The following RGS6 variants were observed in gnomAD, a reference collection of about 807,000 sequenced individuals.
The protein encoded by RGS6 is regulator of G protein signaling 6.
Under a neutral mutation model 78.5 loss-of-function variants are expected in RGS6, and 30 were observed. The observed-to-expected ratio is 0.38, with a 90% CI of 0.29 to 0.52. The LOEUF is 0.52. RGS6 is among the 20% of genes least tolerant of loss of function. RGS6 has a pLI of 0.85. For missense variants in RGS6, 495 were observed against 609.7 expected, an observed-to-expected ratio of 0.81 and a Z score of 1.98; for synonymous variants, 206 against 206.0, an observed-to-expected ratio of 1.00 and a Z score of 0.00.
In RGS6 at chr14:72,478,287, A is replaced by G; in HGVS notation, c.812A>G (p.Gln271Arg). The G allele has an allele frequency of 6.2e-7, 1 of 1,612,934 alleles. No individual in the cohort carries two copies. The highest frequency in any genetic ancestry group is 8.5e-7 in the Non-Finnish European group (1 of 1,178,958). The change falls in exon 12 of 18, where the codon CAG becomes CGG. Residue 271 changes from glutamine to arginine, a missense_variant. By Grantham distance (43) the Gln-to-Arg change is conservative (BLOSUM62 1). Transcript: ENST00000553525. ...TCCCAGATAACATTTTTGAACGCAC[A>G]GATCGACAGACATTGTTTGAAAATG... ...IRKQITFLNAQIDRHCLKMSK... is the reference protein window; with the variant it reads ...IRKQITFLNARIDRHCLKMSK...
chr14:72,204,613 C>T (rs2042306540), intron 2 of RGS6, among the ~76,000 whole-genome samples: 1 of 152,214 alleles, frequency 6.6e-6, no homozygotes, highest in Non-Finnish European at 1.5e-5. Context: ...TGGTGAGGGC[C>T]TGCATCCTCA....
At chr14:72,230,150 G>A (rs2049187951) in intron 2 of RGS6, among the ~76,000 whole-genome samples, 1 of 152,208 alleles carries the variant, frequency 6.6e-6, no homozygotes, top group African/African-American at 2.4e-5. Context: ...GATATTGACG[G>A]GATGGGCTAG....
Position 72,459,652 on chromosome 14 carries a change from G to A in RGS6, c.363G>A (p.Ser121=), listed in dbSNP as rs200956325. 93 of 1,613,986 alleles carry A rather than the reference G, an allele frequency of 5.8e-5. No individual in the cohort carries two copies. The highest frequency in any genetic ancestry group is 1.6e-4 in the Middle Eastern group (1 of 6,084). The change falls in exon 6 of 18, where the codon TCG becomes TCA. Residue 121 remains serine (S), a synonymous_variant. Coordinates refer to ENST00000553525, the MANE Select transcript of RGS6 (RefSeq NM_001204424.2). The part of the protein sequence containing the change: ...YRFQAPYFWP[S]NCWEPENTDY... ...TGCAGGCTCCGTACTTCTGGCCTTCGAACTGCTGGGAACCTGAAAACACTG... is the reference window on the plus strand; with the variant it reads ...TGCAGGCTCCGTACTTCTGGCCTTCAAACTGCTGGGAACCTGAAAACACTG...
At chr14:72,070,074 T>C (rs1488689193) in intron 2 of RGS6, among the ~76,000 whole-genome samples, 2 of 152,160 alleles carry the variant, frequency 1.3e-5, no homozygotes, top group Admixed American at 6.5e-5. Flanking sequence ...TACTAAACTA[T>C]ACATTTTGTT....
At chr14:72,079,809 T>G (rs535072109) in intron 2 of RGS6, among the ~76,000 whole-genome samples, 9 of 152,292 alleles carry the variant, frequency 5.9e-5, no homozygotes, top group Non-Finnish European at 1.0e-4. Context: ...GCCTGGTTCC[T>G]TTTTCACTTA....
At chr14:72,157,527 C>T (rs1022800018) in intron 2 of RGS6, among the ~76,000 whole-genome samples, 1 of 152,164 alleles carries the variant, frequency 6.6e-6, no homozygotes, top group African/African-American at 2.4e-5. Flanking sequence ...CCCAGGTTTC[C>T]TTCTCCACAA....
chr14:71,981,632 A>AGTCT (rs1211553642), intron 2 of RGS6, among the ~76,000 whole-genome samples: 38 of 151,960 alleles, frequency 2.5e-4, no homozygotes, highest in Admixed American at 4.6e-4. Context: ...TTGAGGAGGC[A>AGTCT]GTCTGCCCGT....
rs1362399253 is a variant in RGS6, at chr14:72,454,432, T to C, written c.185-96T>C. The stretch of plus-strand genomic sequence containing the variant: ...TATTATCCTGCTCTACAGTGTGGAC[T>C]GTTTGGAATTAGGATTCTCTTAGGT... On this transcript the variant is annotated intron_variant, in intron 3 of 17. Coordinates refer to ENST00000553525, the MANE Select transcript of RGS6 (RefSeq NM_001204424.2). 7.2e-6 allele frequency: 9 copies of C among 1,254,592 alleles called. No homozygotes were observed. In the African/African-American group the frequency reaches 1.0e-4, roughly 14 times the overall value. The allele number at this position is 1,254,592 out of a possible 1,614,324, so 77.7% of individuals were successfully genotyped here.
rs1487841278 is a variant in RGS6 at position 72,481,540 on chromosome 14, G to A, written c.854+3211G>A. Among the ~76,000 whole-genome samples, 3 of 152,170 alleles carry A rather than the reference G, an allele frequency of 2.0e-5. No individual in the cohort carries two copies. In the East Asian group the frequency reaches 5.8e-4, roughly 29 times the overall value. On this transcript the variant is annotated intron_variant, in intron 12 of 17. Transcript: ENST00000553525. ...TAATCTGGGGCTTTGCGGGAGAAAA[G>A]ACTTGCTCTTCTGCACAGAATTTCT... is the stretch of plus-strand genomic sequence containing the variant.
Position 72,474,543 on chromosome 14 carries a change from T to C in RGS6, c.619-82T>C. On this transcript the variant is annotated intron_variant, in intron 9 of 17. Coordinates refer to ENST00000553525, the MANE Select transcript of RGS6 (RefSeq NM_001204424.2). ...GTCTGTAATGGAAAAAGATAAAGATTGGTCCTGATGGTGTGACATGGGCTA... is the reference window on the plus strand; with the variant it reads ...GTCTGTAATGGAAAAAGATAAAGATCGGTCCTGATGGTGTGACATGGGCTA... The C allele has an allele frequency of 2.4e-6, 3 of 1,246,316 alleles. No homozygotes were observed. In the South Asian group the frequency reaches 4.1e-5, roughly 17 times the overall value. The allele number at this position is 1,246,316 out of a possible 1,614,324, so 77.2% of individuals were successfully genotyped here. A position where few individuals can be genotyped will look rare whatever the true frequency, so the allele number is the denominator to read the frequency against.
chr14:72,244,920 G>A (rs2053841627), intron 2 of RGS6, among the ~76,000 whole-genome samples: 1 of 151,900 alleles, frequency 6.6e-6, no homozygotes, highest in African/African-American at 2.4e-5. Context: ...CACCTCCTGG[G>A]TTCGAGTGAT....
chr14:72,121,714 T>C (rs1055817758), intron 2 of RGS6, among the ~76,000 whole-genome samples: 2 of 152,150 alleles, frequency 1.3e-5, no homozygotes, highest in Non-Finnish European at 2.9e-5. Context: ...CTAGGTCTTC[T>C]GCCTGGAGAG....
chr14:72,324,396 G>A (rs2073103115), intron 2 of RGS6, among the ~76,000 whole-genome samples: 2 of 152,002 alleles, frequency 1.3e-5, no homozygotes, highest in South Asian at 4.2e-4. Context: ...TAGGGTACAT[G>A]TGCACAACGT....
chr14:72,000,032 T>C (rs563652253), intron 2 of RGS6, among the ~76,000 whole-genome samples: 1 of 152,182 alleles, frequency 6.6e-6, no homozygotes, highest in African/African-American at 2.4e-5. Flanking sequence ...TTAGTGGAGA[T>C]AAGACTGGAT....
At position 72,541,766 on chromosome 14, in the gene RGS6, G is replaced by T. The variant is rs1046149715; in HGVS notation, c.1422+1672G>T. On this transcript the variant is annotated intron_variant, in intron 17 of 17. Transcript: ENST00000553525. Reference sequence around the variant, plus strand: ...CCCCCGGAAGCTCTTGAGGGTGACCGTGCAGGCCACGGGTGTGAGAGGGGA... The same window carrying T: ...CCCCCGGAAGCTCTTGAGGGTGACCTTGCAGGCCACGGGTGTGAGAGGGGA... 12 of 785,438 alleles carry T rather than the reference G, an allele frequency of 1.5e-5. No homozygotes were observed. The African/African-American group carries it at 1.9e-4, about 13-fold the overall frequency. The allele number at this position is 785,438 out of a possible 1,614,324, so 48.7% of individuals were successfully genotyped here. A position where few individuals can be genotyped will look rare whatever the true frequency, so the allele number is the denominator to read the frequency against.
rs577871201 is a variant in RGS6, at chr14:72,369,295, G to A, written c.184+17101G>A. 2.2e-4 allele frequency among the ~76,000 whole-genome samples: 33 copies of A among 152,308 alleles called. No homozygotes were observed. In the South Asian group the frequency reaches 5.8e-3, roughly 27 times the overall value. ...CCTCAGAGGCAGAGATTAGAATGAT[G>A]TGGCCAGAAGCCAAGGATGCCAGCA... On this transcript the variant is annotated intron_variant, in intron 3 of 17. Transcript: ENST00000553525.
intron 15 of RGS6, among the ~76,000 whole-genome samples, chr14:72,522,507 T>C (rs78652558): frequency 0.027 from 4,132 of 152,336 alleles, 194 homozygotes; most frequent in African/African-American, 0.094. Context: ...ATAGTAGACA[T>C]TGCAGGCTTT....
At chr14:72,431,191 CTGCTCTGTG>C (rs2094616608) in intron 3 of RGS6, among the ~76,000 whole-genome samples, 3 of 152,166 alleles carry the variant, frequency 2.0e-5, no homozygotes, top group Non-Finnish European at 2.9e-5. Flanking sequence ...GACCAGATGC[CTGCTCTGTG>C]TAGCAGCAGA....
chr14:72,121,643 C>A (rs1478737360), intron 2 of RGS6, among the ~76,000 whole-genome samples: 2 of 152,170 alleles, frequency 1.3e-5, no homozygotes, highest in Non-Finnish European at 2.9e-5. Flanking sequence ...GACAGCAGGG[C>A]AGCCCTAGTG....
Sources: gnomAD v4.1 joint callset for allele counts (sites outside exome capture counted in the v4.1 genomes callset) on GRCh38, gnomAD v4.1.1 for gene constraint, MANE v1.5 for transcripts, NCBI Gene and HGNC (gene_info 2026-07-23, HGNC 2026-07-21) for gene names.